SCEL: variants seen among roughly 807,000 people sequenced by gnomAD.
SCEL encodes sciellin.
A neutral mutation model predicts 117.6 loss-of-function variants in SCEL; 113 were observed. The ratio of observed to expected loss-of-function variants is 0.96; its 90% CI spans 0.83 to 1.12. The LOEUF (loss-of-function observed/expected upper bound fraction) is 1.12, where lower values mean the gene tolerates loss of function less well. Ranked by LOEUF, SCEL falls within the 50% of genes most tolerant of loss-of-function variation. The pLI, the probability that SCEL is intolerant of heterozygous loss-of-function variation, is 0.00. For synonymous variants in SCEL, 270 were observed against 256.2 expected, an observed-to-expected ratio of 1.05 and a Z score of -0.51; for missense variants, 785 against 810.8, an observed-to-expected ratio of 0.97 and a Z score of 0.39.
intron 19 of SCEL, among the ~76,000 whole-genome samples, chr13:77,607,844 C>T (rs546730116): frequency 1.6e-4 from 25 of 152,310 alleles, no homozygotes; most frequent in South Asian, 1.5e-3. Context: ...AAAATAATGT[C>T]TCCCTGAGTC....
chr13:77,644,048 A>G (rs1333964530), intron 32 of SCEL, among the ~76,000 whole-genome samples: 2 of 152,034 alleles, frequency 1.3e-5, no homozygotes, highest in African/African-American at 4.8e-5. Flanking sequence ...TCAAGAGATG[A>G]CTCTCAGACA....
intron 9 of SCEL, among the ~76,000 whole-genome samples, chr13:77,587,333 A>G (rs550586357): frequency 6.6e-6 from 1 of 152,000 alleles, no homozygotes; most frequent in Non-Finnish European, 1.5e-5. Flanking sequence ...TCATCTGTCT[A>G]GTGATTTCCC....
chr13:77,589,254 C>G lies in SCEL; in HGVS notation c.626+30C>G, dbSNP rs1369981756. 2.6e-6 allele frequency: 4 copies of G among 1,510,262 alleles called. No homozygotes were observed. The South Asian group carries it at 4.6e-5, about 17-fold the overall frequency. 93.6% of individuals were successfully genotyped at this position (1,510,262 alleles called of 1,614,324 possible). ...GACCTAGTACTCCAGAATTTCTTGA[C>G]AAAATGAAGTTCAAGGGAAATGAAA... On this transcript the variant is annotated intron_variant, in intron 10 of 32. Coordinates refer to ENST00000349847, the MANE Select transcript of SCEL (RefSeq NM_144777.3).
intron 3 of SCEL, 115 bp from the exon 4 acceptor site, chr13:77,559,689 A>G (rs553924195): frequency 2.6e-6 from 2 of 756,846 alleles, no homozygotes; most frequent in African/African-American, 1.7e-5. Context: ...CAACTGAAGT[A>G]AAATGAATTA....
At chr13:77,628,732 T>C (rs1980709) in intron 28 of SCEL, among the ~76,000 whole-genome samples, 135,364 of 152,172 alleles carry the variant, frequency 0.89, 60,489 homozygotes, top group South Asian at 0.97. Flanking sequence ...AATGATATTG[T>C]GATTTCATCT....
intron 27 of SCEL, among the ~76,000 whole-genome samples, chr13:77,621,733 G>A (rs1375497920): frequency 6.6e-6 from 1 of 152,158 alleles, no homozygotes; most frequent in Non-Finnish European, 1.5e-5. Context: ...AGTCCACTTA[G>A]AGAAAGTCTA....
intron 27 of SCEL, among the ~76,000 whole-genome samples, chr13:77,620,828 G>A (rs1487547058): frequency 1.3e-5 from 2 of 152,048 alleles, no homozygotes; most frequent in Admixed American, 1.3e-4. Flanking sequence ...ACTGTTTGTG[G>A]CATTATACTT....
intron 9 of SCEL, among the ~76,000 whole-genome samples, chr13:77,576,486 G>A (rs936146982): frequency 6.6e-6 from 1 of 152,116 alleles, no homozygotes; most frequent in African/African-American, 2.4e-5. Context: ...TTCAACAGCA[G>A]CATCCAGCTC....
At chr13:77,544,072 G>A (rs768214153) in intron 1 of SCEL, among the ~76,000 whole-genome samples, 4 of 152,100 alleles carry the variant, frequency 2.6e-5, no homozygotes, top group Non-Finnish European at 5.9e-5. Context: ...TAAAGAACAA[G>A]TATAATAATA....
rs1461967836 is a variant in SCEL, at chr13:77,591,401, A to G, written c.633A>G (p.Ile211Met). 5.7e-6 allele frequency: 9 copies of G among 1,572,092 alleles called. No homozygotes were observed. In the East Asian group the frequency reaches 2.0e-4, roughly 35 times the overall value. Residue 211 changes from isoleucine to methionine, a missense_variant, in exon 11 of 33, where the codon ATA becomes ATG. Ile to Met is a conservative substitution (Grantham distance 10). Coordinates refer to ENST00000349847, the MANE Select transcript of SCEL (RefSeq NM_144777.3). ...TCTAACTTTGAAAATATAGGCAGAT[A>G]CATCCACCTAAACCAGGTGTATATA... ...PNQLRQDNRQIHPPKPGVYTE... is the reference protein window; with the variant it reads ...PNQLRQDNRQMHPPKPGVYTE...
chr13:77,638,479 G>T (rs1295916006), intron 30 of SCEL, among the ~76,000 whole-genome samples: 2 of 152,162 alleles, frequency 1.3e-5, no homozygotes, highest in Admixed American at 6.5e-5. Context: ...TCCTGAGCTT[G>T]TATTTCTATT....
At chr13:77,582,306 A>G (rs1380563753) in intron 9 of SCEL, among the ~76,000 whole-genome samples, 3 of 151,232 alleles carry the variant, frequency 2.0e-5, no homozygotes, top group African/African-American at 7.3e-5. Flanking sequence ...GGCTCACTGC[A>G]ACCTCTGCCT....
chr13:77,641,030 T>A (rs2090534226), intron 31 of SCEL, among the ~76,000 whole-genome samples: 1 of 152,126 alleles, frequency 6.6e-6, no homozygotes, highest in Non-Finnish European at 1.5e-5. Context: ...CCTAGAGATT[T>A]AAATCTGTGG....
chr13:77,609,101 G>T lies in SCEL; in HGVS notation c.1261G>T (p.Glu421Ter). 1 of 1,596,536 alleles carries T rather than the reference G, an allele frequency of 6.3e-7. No individual in the cohort carries two copies. The highest frequency in any genetic ancestry group is 8.5e-7 in the Non-Finnish European group (1 of 1,175,358). Residue 421 changes from glutamate to a stop codon, truncating the protein, a stop_gained, in exon 21 of 33, where the codon GAA becomes TAA. Coordinates refer to ENST00000349847, the MANE Select transcript of SCEL (RefSeq NM_144777.3). LOFTEE classifies it high-confidence loss of function. ...NNFIKVYPGT[E>*]KSTEGGQSLD... ...CTTCATCAAAGTGTATCCAGGAACA[G>T]AAAAAAGTACTGAAGGGTAAGATTT...
chr13:77,541,488 A>G (rs1205833703), intron 1 of SCEL, among the ~76,000 whole-genome samples: 1 of 151,918 alleles, frequency 6.6e-6, no homozygotes, highest in Non-Finnish European at 1.5e-5. Context: ...GGATTCATTC[A>G]AAGAAAATAA....
chr13:77,565,457 T>C (rs1184501599), intron 5 of SCEL, among the ~76,000 whole-genome samples: 1 of 152,178 alleles, frequency 6.6e-6, no homozygotes, highest in East Asian at 1.9e-4. Context: ...TTTACACACT[T>C]TAGTGGTATG....
At chr13:77,585,968 G>A (rs1174162052) in intron 9 of SCEL, among the ~76,000 whole-genome samples, 1 of 152,054 alleles carries the variant, frequency 6.6e-6, no homozygotes, top group East Asian at 1.9e-4. Flanking sequence ...GAAGGTAGGG[G>A]TCTTGTTTGC....
intron 28 of SCEL, among the ~76,000 whole-genome samples, chr13:77,633,016 T>G (rs1180024353): frequency 1.3e-5 from 2 of 152,240 alleles, no homozygotes; most frequent in Admixed American, 6.5e-5. Context: ...ATTTCTGTCC[T>G]TGATAAAAAG....
chr13:77,641,986 T>A (rs9593248), intron 31 of SCEL, among the ~76,000 whole-genome samples: 69,727 of 152,004 alleles, frequency 0.46, 17,635 homozygotes, highest in Non-Finnish European at 0.58. Flanking sequence ...TAGTCTATAG[T>A]TTTTTATTGA....
Sources: allele counts gnomAD v4.1 joint callset (sites outside exome capture counted in the v4.1 genomes callset), GRCh38; gene constraint gnomAD v4.1.1; transcripts MANE v1.5; gene names NCBI Gene and HGNC (gene_info 2026-07-23, HGNC 2026-07-21).